Variants in CSK observed in about 807,000 individuals in gnomAD.
The protein encoded by CSK is tyrosine-protein kinase CSK.
A neutral mutation model predicts 62.3 loss-of-function variants in CSK; 7 were observed. The observed-to-expected ratio is 0.11, with a 90% CI of 0.06 to 0.21. The LOEUF (loss-of-function observed/expected upper bound fraction) is 0.21. Among genes scored for constraint, CSK ranks in the 10% least tolerant of loss-of-function variants. CSK has a pLI of 1.00. For missense variants in CSK, 294 were observed against 613.5 expected, an observed-to-expected ratio of 0.48 and a Z score of 5.50; for synonymous variants, 237 against 246.0, an observed-to-expected ratio of 0.96 and a Z score of 0.34.
intron 9 of CSK, 122 bp downstream of exon 9, chr15:74,801,224 G>A: frequency 2.8e-6 from 3 of 1,081,788 alleles, no homozygotes; most frequent in East Asian, 2.5e-5. Flanking sequence ...CACCAGGGCT[G>A]GGCTTTTGTC....
chr15:74,791,804 C>T (rs754749361), intron 1 of CSK, among the ~76,000 whole-genome samples: 4 of 152,186 alleles, frequency 2.6e-5, no homozygotes, highest in Non-Finnish European at 5.9e-5. Context: ...CTGGCAGGAA[C>T]GCCCCCCCGG....
intron 1 of CSK, among the ~76,000 whole-genome samples, chr15:74,790,434 G>C (rs868630714): frequency 4.0e-5 from 6 of 149,498 alleles, no homozygotes; most frequent in Non-Finnish European, 8.8e-5. Context: ...CCCACTCCTT[G>C]TCAGCCTGGG....
At chr15:74,784,899 T>A (rs893607155) in intron 1 of CSK, among the ~76,000 whole-genome samples, 1 of 152,106 alleles carries the variant, frequency 6.6e-6, no homozygotes, top group Non-Finnish European at 1.5e-5. Context: ...GGACAGATTC[T>A]CATATGTCTG....
At chr15:74,793,435 C>T (rs547054599) in intron 1 of CSK, among the ~76,000 whole-genome samples, 1 of 152,274 alleles carries the variant, frequency 6.6e-6, no homozygotes, top group South Asian at 2.1e-4. Context: ...TAGTGTGGTC[C>T]CCATGGCAAC....
chr15:74,800,550 CACGCAGGCTTCCT>C, intron 6 of CSK, 45 bp downstream of exon 6: 1 of 1,586,932 alleles, frequency 6.3e-7, no homozygotes, highest in Non-Finnish European at 8.6e-7. Flanking sequence ...CACCTCCTCC[CACGCAGGCTTCCT>C]GGCACTGCCC....
chr15:74,801,740 G>T lies in CSK; in HGVS notation c.933G>T (p.Val311=), dbSNP rs1207224844. 3 of 1,613,914 alleles carry T rather than the reference G, an allele frequency of 1.9e-6. No individual in the cohort carries two copies. Among genetic ancestry groups the T allele is most frequent in the African/African-American group, 2.7e-5 (2 of 74,926 alleles). The change falls in exon 11 of 13, where the codon GTG becomes GTT. Residue 311 remains valine (V), a synonymous_variant. Transcript: ENST00000220003. The part of the protein sequence containing the change: ...AMEYLEGNNF[V]HRDLAARNVL... ...AATACCTGGAGGGCAACAATTTCGT[G>T]CATCGAGACCTGGCTGCCCGCAATG...
Position 74,802,820 on chromosome 15 carries a change from A to AT in CSK, c.*315dup, listed in dbSNP as rs1202482780. The AT allele has an allele frequency of 4.9e-5, 15 of 309,180 alleles. No homozygotes were observed. Among genetic ancestry groups the AT allele is most frequent in the Non-Finnish European group, 7.7e-5 (13 of 169,742 alleles). 19.2% of individuals were successfully genotyped at this position (309,180 alleles called of 1,614,324 possible). ...AGTTTTATTCCTTTCCTTTTTTGAG[A>AT]TTTTTTTTCCGTGTGTTTATTTTTT... On this transcript the variant is annotated 3_prime_UTR_variant, in exon 13 of 13. Coordinates refer to ENST00000220003, the MANE Select transcript of CSK (RefSeq NM_004383.3).
chr15:74,784,207 T>G (rs1175011509), intron 1 of CSK, among the ~76,000 whole-genome samples: 1 of 151,836 alleles, frequency 6.6e-6, no homozygotes, highest in African/African-American at 2.4e-5. Context: ...CGATTTAGGG[T>G]TTTTTTGTTT....
chr15:74,790,113 G>C (rs1220733543), intron 1 of CSK, among the ~76,000 whole-genome samples: 1 of 152,236 alleles, frequency 6.6e-6, no homozygotes, highest in African/African-American at 2.4e-5. Context: ...TTTGCCTCCA[G>C]TGGCTGTCCC....
At chr15:74,793,786 G>C (rs1001042551) in intron 1 of CSK, among the ~76,000 whole-genome samples, 1 of 152,100 alleles carries the variant, frequency 6.6e-6, no homozygotes, top group Non-Finnish European at 1.5e-5. Flanking sequence ...GCCAGGAAGG[G>C]AGTGTTTGCA....
chr15:74,800,547 T>C (rs2141825278), intron 6 of CSK, 42 bp downstream of exon 6: 1 of 1,585,250 alleles, frequency 6.3e-7, no homozygotes, highest in East Asian at 2.3e-5. Context: ...ACCCACCTCC[T>C]CCCACGCAGG....
At chr15:74,786,735 G>A (rs778943419) in intron 1 of CSK, among the ~76,000 whole-genome samples, 2 of 152,152 alleles carry the variant, frequency 1.3e-5, no homozygotes, top group Non-Finnish European at 2.9e-5. Flanking sequence ...GTGGGCAGTA[G>A]CAGGACACCA....
intron 6 of CSK, 26 bp from the exon 7 acceptor site, chr15:74,800,655 A>G (rs1490129534): frequency 1.3e-6 from 2 of 1,539,670 alleles, no homozygotes; most frequent in South Asian, 1.2e-5. Flanking sequence ...AGTGGCCTCC[A>G]GGCCCTCACT....
chr15:74,794,004 G>A (rs903838505), intron 1 of CSK, among the ~76,000 whole-genome samples: 2 of 152,142 alleles, frequency 1.3e-5, no homozygotes, highest in Admixed American at 6.5e-5. Flanking sequence ...GTGACTTCAG[G>A]CAAATTGTTC....
At position 74,800,844 on chromosome 15, in the gene CSK, G is replaced by A. The variant is rs997937990; in HGVS notation, c.644G>A (p.Arg215Gln). ...CCAGACGTGATGCTGGGCGATTACC[G>A]AGGGAACAAAGTCGCCGTCAAGTGC... ...EFGDVMLGDY[R>Q]GNKVAVKCIK... is the part of the protein sequence containing the mutation. Residue 215 changes from arginine to glutamine, a missense_variant, in exon 8 of 13, where the codon CGA becomes CAA. Transcript: ENST00000220003. 6.2e-6 allele frequency: 10 copies of A among 1,613,106 alleles called. 1 individual carries two copies. The South Asian group carries it at 6.6e-5, about 11-fold the overall frequency.
chr15:74,785,070 C>T (rs757371932), intron 1 of CSK, among the ~76,000 whole-genome samples: 11 of 152,252 alleles, frequency 7.2e-5, no homozygotes, highest in Middle Eastern at 3.4e-3. Context: ...AACAAAACAG[C>T]GCTACAGGAA....
In CSK at chr15:74,800,861, G is replaced by C. The variant is rs971393786; in HGVS notation, c.661G>C (p.Val221Leu). The stretch of plus-strand genomic sequence containing the variant: ...CGATTACCGAGGGAACAAAGTCGCC[G>C]TCAAGTGCATTAAGAACGACGCCAC... ...LGDYRGNKVAVKCIKNDATAQ... is the reference protein window; with the variant it reads ...LGDYRGNKVALKCIKNDATAQ... The change falls in exon 8 of 13, where the codon GTC becomes CTC. Residue 221 changes from valine to leucine, a missense_variant. Val to Leu is a conservative substitution (Grantham distance 32, BLOSUM62 1). This residue lies in a region of CSK where 202 missense variants were observed against 415.7 expected (regional missense o/e 0.49). Coordinates refer to ENST00000220003, the MANE Select transcript of CSK (RefSeq NM_004383.3). 4 of 1,613,284 alleles carry C rather than the reference G, an allele frequency of 2.5e-6. No homozygotes were observed. In the Admixed American group the frequency reaches 6.7e-5, roughly 27 times the overall value.
At position 74,798,110 on chromosome 15, in the gene CSK, C is replaced by T. The variant is rs2063734307; in HGVS notation, c.-65-123C>T. The T allele has an allele frequency of 1.7e-6, 1 of 605,026 alleles. No homozygotes were observed. The allele number at this position is 605,026 out of a possible 1,614,324, so 37.5% of individuals were successfully genotyped here. On this transcript the variant is annotated intron_variant, in intron 1 of 12. Coordinates refer to ENST00000220003, the MANE Select transcript of CSK (RefSeq NM_004383.3). This position sits in a 1 kb window ranked among gnomAD's most constrained non-coding sequence, Gnocchi z 6.6. ...CCTGCCAGGACTGGAGAGAATGGCC[C>T]ATGTGTCAAATCCCAGCGCAGGACA...
At position 74,798,047 on chromosome 15, in the gene CSK, G is replaced by T. The variant is rs973979226; in HGVS notation, c.-65-186G>T. 2.2e-6 allele frequency: 1 copy of T among 451,506 alleles called. No homozygotes were observed. Among genetic ancestry groups the T allele is most frequent in the Non-Finnish European group, 4.0e-6 (1 of 252,778 alleles). 28.0% of individuals were successfully genotyped at this position (451,506 alleles called of 1,614,324 possible). ...TTGGTGGCTCCCTCTGCCCCTGGGG[G>T]TCCTCAGCCCTCATGCTCCTCTACC... On this transcript the variant is annotated intron_variant, in intron 1 of 12. Transcript: ENST00000220003. This position sits in a 1 kb window ranked among gnomAD's most constrained non-coding sequence, Gnocchi z 6.6.
Sources: allele counts gnomAD v4.1 joint callset (sites outside exome capture counted in the v4.1 genomes callset), GRCh38; gene constraint gnomAD v4.1.1; regional missense constraint gnomAD v4.1.1; non-coding constraint Gnocchi (gnomAD v3.1); transcripts MANE v1.5; gene names NCBI Gene and HGNC (gene_info 2026-07-23, HGNC 2026-07-21).